The following AHCYL2 variants were observed in gnomAD, a reference collection of about 807,000 sequenced individuals.
AHCYL2 encodes the protein S-adenosylhomocysteine hydrolase-like protein 2.
In AHCYL2, 28 loss-of-function variants were observed where a neutral mutation model predicts 81.4. That is an observed-to-expected ratio of 0.34 (90% CI 0.25 to 0.47). AHCYL2 has a LOEUF of 0.47. AHCYL2 is among the 20% of genes least tolerant of loss of function. The pLI, the probability that AHCYL2 is intolerant of heterozygous loss-of-function variation, is 1.00. For missense variants in AHCYL2, 551 were observed against 785.1 expected, an observed-to-expected ratio of 0.70 and a Z score of 3.56; for synonymous variants, 272 against 290.2, an observed-to-expected ratio of 0.94 and a Z score of 0.64.
At chr7:129,237,842 C>T (rs1052584804) in intron 1 of AHCYL2, among the ~76,000 whole-genome samples, 14 of 152,174 alleles carry the variant, frequency 9.2e-5, no homozygotes, top group Admixed American at 2.0e-4. Flanking sequence ...CCCAGCCTCC[C>T]GAGTGGCTGG....
intron 1 of AHCYL2, among the ~76,000 whole-genome samples, chr7:129,305,410 A>G (rs2150768444): frequency 6.6e-6 from 1 of 152,328 alleles, no homozygotes; most frequent in South Asian, 2.1e-4. Flanking sequence ...CAGTGAACTG[A>G]AATCGTGCCA....
At chr7:129,267,094 ATTTTG>A (rs1197940624) in intron 1 of AHCYL2, among the ~76,000 whole-genome samples, 1 of 152,192 alleles carries the variant, frequency 6.6e-6, no homozygotes, top group Non-Finnish European at 1.5e-5. Context: ...GGAAATGATC[ATTTTG>A]TTTTAAGTGA....
rs10653631 is a variant in AHCYL2, at chr7:129,414,420, C to CTTTTTTTT, written c.1461+743_1461+750dup. The stretch of plus-strand genomic sequence containing the variant: ...GTAATAGTTAATAGAAATGTTGTTT[C>CTTTTTTTT]TTTTTTTTTTTTTTTTTTGAGACGG... On this transcript the variant is annotated intron_variant, in intron 12 of 16. Coordinates refer to ENST00000325006, the MANE Select transcript of AHCYL2 (RefSeq NM_015328.4). Among the ~76,000 whole-genome samples the CTTTTTTTT allele has an allele frequency of 1.1e-4, 14 of 125,474 alleles. 2 individuals carry two copies. The highest frequency in any genetic ancestry group is 1.3e-4 in the Non-Finnish European group (8 of 62,500). 82.3% of individuals were successfully genotyped at this position (125,474 alleles called of 152,430 possible).
At position 129,275,152 on chromosome 7, in the gene AHCYL2, G is replaced by T. The variant is rs150032815; in HGVS notation, c.363+49713G>T. The stretch of plus-strand genomic sequence containing the variant: ...AATTCCAGAACTTTGGGAGGCTGAG[G>T]CGGGTGGGTCACCTGAGGTCAGGAG... On this transcript the variant is annotated intron_variant, in intron 1 of 16. Transcript: ENST00000325006. Among the ~76,000 whole-genome samples, 394 of 152,284 alleles carry T rather than the reference G, an allele frequency of 2.6e-3. 1 individual carries two copies. The highest frequency in any genetic ancestry group is 9.2e-3 in the African/African-American group (381 of 41,562).
chr7:129,285,897 G>A (rs1796614649), intron 1 of AHCYL2, among the ~76,000 whole-genome samples: 1 of 151,612 alleles, frequency 6.6e-6, no homozygotes, highest in Non-Finnish European at 1.5e-5. Context: ...TTTGTGTAGA[G>A]GCAGGGGTCT....
chr7:129,236,085 G>A (rs577510028), intron 1 of AHCYL2, among the ~76,000 whole-genome samples: 18 of 148,916 alleles, frequency 1.2e-4, no homozygotes, highest in African/African-American at 3.5e-4. Flanking sequence ...GCAATGGCAC[G>A]GTCTCAGCTC....
intron 1 of AHCYL2, among the ~76,000 whole-genome samples, chr7:129,358,666 ATGGTGGTGATGGT>A (rs1292072823): frequency 6.6e-6 from 1 of 152,182 alleles, no homozygotes; most frequent in Non-Finnish European, 1.5e-5. Flanking sequence ...TTGGAGATGG[ATGGTGGTGATGGT>A]TGCACAATGT....
intron 1 of AHCYL2, among the ~76,000 whole-genome samples, chr7:129,371,308 T>A (rs1794399492): frequency 6.6e-6 from 1 of 152,192 alleles, no homozygotes; most frequent in Admixed American, 6.5e-5. Context: ...ACATCTCCCT[T>A]TTGTTAAAAA....
chr7:129,262,145 C>T (rs973099782), intron 1 of AHCYL2, among the ~76,000 whole-genome samples: 5 of 152,114 alleles, frequency 3.3e-5, no homozygotes, highest in Non-Finnish European at 5.9e-5. Context: ...GATATGGTCT[C>T]TGTTCTCAAG....
intron 12 of AHCYL2, among the ~76,000 whole-genome samples, chr7:129,417,649 G>C (rs955318887): frequency 6.6e-6 from 1 of 152,160 alleles, no homozygotes; most frequent in Non-Finnish European, 1.5e-5. Flanking sequence ...GATGCTCAGA[G>C]GAACTTTTGA....
chr7:129,298,926 GGTAA>G (rs1797147202), intron 1 of AHCYL2, among the ~76,000 whole-genome samples: 1 of 151,998 alleles, frequency 6.6e-6, no homozygotes, highest in South Asian at 2.1e-4. Flanking sequence ...AGGCTCAGAT[GGTAA>G]GTGTTTTAGG....
At chr7:129,413,561 C>T in intron 11 of AHCYL2, 33 bp from the exon 12 acceptor site, 2 of 1,501,110 alleles carry the variant, frequency 1.3e-6, no homozygotes, top group Admixed American at 1.7e-5. Context: ...TATCTTTCTC[C>T]ACTGCTGCTC....
intron 12 of AHCYL2, among the ~76,000 whole-genome samples, chr7:129,415,063 C>G (rs1257166473): frequency 6.6e-6 from 1 of 152,218 alleles, no homozygotes; most frequent in Non-Finnish European, 1.5e-5. Context: ...GGCCTTATTA[C>G]TCTCTCTTAC....
chr7:129,332,159 A>G (rs1208194271), intron 1 of AHCYL2, among the ~76,000 whole-genome samples: 1 of 152,220 alleles, frequency 6.6e-6, no homozygotes, highest in Non-Finnish European at 1.5e-5. Context: ...AAATGTCAGC[A>G]GTGGAAATAG....
chr7:129,252,095 T>C (rs1350726358), intron 1 of AHCYL2, among the ~76,000 whole-genome samples: 2 of 152,194 alleles, frequency 1.3e-5, no homozygotes, highest in African/African-American at 2.4e-5. Context: ...TCATGAACCA[T>C]TGATTTCTAA....
chr7:129,248,387 CT>C (rs1795131738), intron 1 of AHCYL2, among the ~76,000 whole-genome samples: 2 of 152,136 alleles, frequency 1.3e-5, no homozygotes, highest in Non-Finnish European at 2.9e-5. Flanking sequence ...CTCCTGTATA[CT>C]TAAATCATTT....
chr7:129,291,228 A>G (rs1335772360), intron 1 of AHCYL2, among the ~76,000 whole-genome samples: 2 of 152,086 alleles, frequency 1.3e-5, no homozygotes, highest in African/African-American at 2.4e-5. Flanking sequence ...AACCCCCCCA[A>G]AATTTTGCAG....
At chr7:129,321,755 TTTTTTTTTTGGTCTTGGTTTTGTTTTTG>T in intron 1 of AHCYL2, among the ~76,000 whole-genome samples, 1 of 147,102 alleles carries the variant, frequency 6.8e-6, no homozygotes, top group Admixed American at 6.8e-5. Flanking sequence ...TTTTTTTTTT[TTTTTTTTTTGGTCTTGGTTTTGTTTTTG>T]TTTTTTTTTT....
rs142271899 is a variant in AHCYL2 at position 129,362,095 on chromosome 7, C to T, written c.364-17543C>T. Among the ~76,000 whole-genome samples, 740 of 152,150 alleles carry T rather than the reference C, an allele frequency of 4.9e-3. 8 individuals are homozygous for T. The highest frequency in any genetic ancestry group is 0.017 in the African/African-American group (708 of 41,506). ...TTTTGGACAAAATAGCTTCCTGGTG[C>T]TTAGTGTTTTATATGTATTAGTTAT... On this transcript the variant is annotated intron_variant, in intron 1 of 16. Transcript: ENST00000325006.
Sources: allele counts gnomAD v4.1 joint callset (sites outside exome capture counted in the v4.1 genomes callset), GRCh38; gene constraint gnomAD v4.1.1; transcripts MANE v1.5; gene names NCBI Gene and HGNC (gene_info 2026-07-23, HGNC 2026-07-21).